Variants in TBL1XR1 observed in about 807,000 individuals in gnomAD.
The protein encoded by TBL1XR1 is TBL1X/Y related 1.
A neutral mutation model predicts 66.9 loss-of-function variants in TBL1XR1; 5 were observed. That is an observed-to-expected ratio of 0.07 (90% CI 0.04 to 0.16). The LOEUF is 0.16. TBL1XR1 is among the 10% of genes least tolerant of loss of function. The probability of loss-of-function intolerance (pLI) is 1.00; values close to 1 mark genes in which losing one functional copy is unlikely to be tolerated. For synonymous variants in TBL1XR1, 210 were observed against 206.0 expected (o/e 1.02, Z -0.17); for missense variants, 238 against 623.2 (o/e 0.38, Z 6.58).
chr3:177,167,218 AT>A (rs1732925697), intron 1 of TBL1XR1, among the ~76,000 whole-genome samples: 1 of 152,178 alleles, frequency 6.6e-6, no homozygotes, highest in African/African-American at 2.4e-5. Flanking sequence ...TTAAATACAT[AT>A]TACTACATGA....
chr3:177,049,349 A>T (rs1461041613), intron 7 of TBL1XR1, among the ~76,000 whole-genome samples: 1 of 152,188 alleles, frequency 6.6e-6, no homozygotes, highest in Non-Finnish European at 1.5e-5. Flanking sequence ...GAGCGAGGTA[A>T]GAGATGTATT....
chr3:177,026,143 A>G (rs944292947), intron 15 of TBL1XR1: 2 of 506,592 alleles, frequency 3.9e-6, no homozygotes, highest in Non-Finnish European at 6.8e-6. Context: ...CATATTAAAA[A>G]TAACTGTCCA....
chr3:177,053,719 T>C (rs1717417966), intron 4 of TBL1XR1, 54 bp downstream of exon 4: 1 of 1,531,286 alleles, frequency 6.5e-7, no homozygotes, highest in African/African-American at 1.4e-5. Context: ...GACAGCTGAC[T>C]TAACGGCATA....
At chr3:177,082,170 CT>C (rs1192229444) in intron 2 of TBL1XR1, among the ~76,000 whole-genome samples, 3 of 152,088 alleles carry the variant, frequency 2.0e-5, no homozygotes, top group Non-Finnish European at 4.4e-5. Context: ...CAACATAGCA[CT>C]TTTACTTTGA....
intron 1 of TBL1XR1, among the ~76,000 whole-genome samples, chr3:177,185,746 A>T (rs992359870): frequency 6.6e-6 from 1 of 152,164 alleles, no homozygotes; most frequent in Non-Finnish European, 1.5e-5. Flanking sequence ...ACAGCAGCTC[A>T]CACCAATAAT....
chr3:177,028,387 T>A (rs968573484), intron 14 of TBL1XR1, among the ~76,000 whole-genome samples: 1 of 152,194 alleles, frequency 6.6e-6, no homozygotes, highest in African/African-American at 2.4e-5. Flanking sequence ...GTATCTTCCA[T>A]TAGCACTCTA....
intron 1 of TBL1XR1, among the ~76,000 whole-genome samples, chr3:177,186,970 T>G (rs572486087): frequency 6.6e-6 from 1 of 151,634 alleles, no homozygotes; most frequent in African/African-American, 2.4e-5. Flanking sequence ...ATCGAGACCA[T>G]CCCGGCTAAC....
At position 177,065,608 on chromosome 3, in the gene TBL1XR1, G is replaced by T. The variant is rs139203477; in HGVS notation, c.-45-586C>A. On this transcript the variant is annotated intron_variant, in intron 2 of 15. Coordinates refer to ENST00000457928, the MANE Select transcript of TBL1XR1 (RefSeq NM_024665.7). Reference sequence around the variant, plus strand: ...AAACTCAAATGATGCTTTCTTACTGGACATACTTAAACCTTAACACGAAGT... The same window carrying T: ...AAACTCAAATGATGCTTTCTTACTGTACATACTTAAACCTTAACACGAAGT... Among the ~76,000 whole-genome samples the T allele has an allele frequency of 3.9e-5, 6 of 152,226 alleles. No homozygotes were observed. In the East Asian group the frequency reaches 1.2e-3, roughly 29 times the overall value.
chr3:177,193,872 G>C (rs145340440), intron 1 of TBL1XR1, among the ~76,000 whole-genome samples: 645 of 152,274 alleles, frequency 4.2e-3, no homozygotes, highest in Non-Finnish European at 6.6e-3. Context: ...TTGTGGCCTT[G>C]AACAAGGGAA....
chr3:177,029,099 G>A (rs931840828), intron 14 of TBL1XR1, among the ~76,000 whole-genome samples: 3 of 150,870 alleles, frequency 2.0e-5, no homozygotes, highest in African/African-American at 7.3e-5. Flanking sequence ...ATATCTATAA[G>A]GAAAAATGTA....
At chr3:177,143,416 A>G (rs1299855569) in intron 1 of TBL1XR1, among the ~76,000 whole-genome samples, 1 of 152,184 alleles carries the variant, frequency 6.6e-6, no homozygotes, top group Non-Finnish European at 1.5e-5. Flanking sequence ...ATAGGCAAAG[A>G]TATTAATTTA....
chr3:177,026,401 T>C lies in TBL1XR1; in HGVS notation c.1490A>G (p.Lys497Arg), dbSNP rs759585840. 5 of 1,613,070 alleles carry C rather than the reference T, an allele frequency of 3.1e-6. No individual in the cohort carries two copies. Among genetic ancestry groups the C allele is most frequent in the Admixed American group, 1.7e-5 (1 of 59,804 alleles). Residue 497 changes from lysine (K) to arginine (R), a missense_variant, in exon 15 of 16, where the codon AAA becomes AGA. By Grantham distance (26) the Lys-to-Arg change is conservative. Coordinates refer to ENST00000457928, the MANE Select transcript of TBL1XR1 (RefSeq NM_024665.7). The part of the protein sequence containing the change: ...FEVCWNAAGD[K>R]VGASASDGSV... Reference sequence around the variant, plus strand: ...ACCATCTGATGCACTGGCTCCAACTTTGTCTCCTGCTGCATTCCAGCAAAC... The same window carrying C: ...ACCATCTGATGCACTGGCTCCAACTCTGTCTCCTGCTGCATTCCAGCAAAC...
At chr3:177,179,133 A>C (rs969350319) in intron 1 of TBL1XR1, among the ~76,000 whole-genome samples, 2 of 150,414 alleles carry the variant, frequency 1.3e-5, no homozygotes, top group African/African-American at 4.9e-5. Context: ...AAAAAAAAAA[A>C]AAAAAAAAGA....
chr3:177,069,288 T>G (rs1419531933), intron 2 of TBL1XR1, among the ~76,000 whole-genome samples: 2 of 152,042 alleles, frequency 1.3e-5, no homozygotes, highest in Non-Finnish European at 2.9e-5. Context: ...AAGACCAAAA[T>G]CAGGGTCAGA....
chr3:177,108,688 G>C (rs373716887), intron 1 of TBL1XR1, among the ~76,000 whole-genome samples: 23 of 152,188 alleles, frequency 1.5e-4, no homozygotes, highest in African/African-American at 5.5e-4. Context: ...AGAACAAAAA[G>C]AATCAACTCC....
chr3:177,188,383 A>G (rs1444979634), intron 1 of TBL1XR1, among the ~76,000 whole-genome samples: 2 of 152,094 alleles, frequency 1.3e-5, no homozygotes, highest in Non-Finnish European at 2.9e-5. Flanking sequence ...CTCCATCTCT[A>G]CTAAAAATAC....
chr3:177,044,395 A>G (rs1341232903), intron 10 of TBL1XR1, among the ~76,000 whole-genome samples: 2 of 152,206 alleles, frequency 1.3e-5, no homozygotes, highest in African/African-American at 4.8e-5. Flanking sequence ...TAACAGTTGA[A>G]TAAGATATAT....
chr3:177,103,615 A>ATC (rs1724503240), intron 1 of TBL1XR1, among the ~76,000 whole-genome samples: 1 of 152,200 alleles, frequency 6.6e-6, no homozygotes, highest in Non-Finnish European at 1.5e-5. Flanking sequence ...TGCAGTCTCT[A>ATC]GAAGTAAATT....
chr3:177,162,770 A>C (rs1421989795), intron 1 of TBL1XR1, among the ~76,000 whole-genome samples: 9 of 152,254 alleles, frequency 5.9e-5, no homozygotes, highest in Admixed American at 5.9e-4. Flanking sequence ...TGCCCAAAAT[A>C]AAAGTCCGCT....
Sources: allele counts gnomAD v4.1 joint callset (sites outside exome capture counted in the v4.1 genomes callset), GRCh38; gene constraint gnomAD v4.1.1; transcripts MANE v1.5; gene names NCBI Gene and HGNC (gene_info 2026-07-23, HGNC 2026-07-21).